CTNNA3: variants seen among roughly 807,000 people sequenced by gnomAD.
The protein encoded by CTNNA3 is catenin alpha-3.
In CTNNA3, 76 loss-of-function variants were observed where a neutral mutation model predicts 95.7. The ratio of observed to expected loss-of-function variants is 0.79; its 90% CI spans 0.66 to 0.96. CTNNA3 has a LOEUF of 0.96. Ranked by LOEUF, CTNNA3 falls within the 40% of genes least tolerant of loss-of-function variation. The pLI is 0.00. For synonymous variants in CTNNA3, 431 were observed against 374.4 expected, an observed-to-expected ratio of 1.15 and a Z score of -1.74; for missense variants, 1,191 against 1,089.8, an observed-to-expected ratio of 1.09 and a Z score of -1.31.
intron 13 of CTNNA3, among the ~76,000 whole-genome samples, chr10:66,112,379 C>A (rs2082153952): frequency 6.6e-6 from 1 of 152,202 alleles, no homozygotes; most frequent in African/African-American, 2.4e-5. Context: ...TTTCTTCTTA[C>A]AATCTTTTAA....
chr10:67,442,188 C>T (rs1368149538), intron 5 of CTNNA3, among the ~76,000 whole-genome samples: 2 of 151,802 alleles, frequency 1.3e-5, no homozygotes, highest in African/African-American at 2.4e-5. Context: ...TATTTGCAAA[C>T]TTCATGGTAA....
chr10:66,463,287 C>A (rs7917556), intron 11 of CTNNA3, among the ~76,000 whole-genome samples: 2 of 151,866 alleles, frequency 1.3e-5, no homozygotes, highest in African/African-American at 4.8e-5. Context: ...CCTTTGAGAA[C>A]GGATTGTTAA....
At position 67,180,352 on chromosome 10, in the gene CTNNA3, C is replaced by G. The variant is rs763229606; in HGVS notation, c.1012G>C (p.Ala338Pro). ...TACTCTGAAAGCAGATCCTGAAGAG[C>G]CTGGCGAATGGCGTTGCATTCTGCG... is the stretch of plus-strand genomic sequence containing the variant. ...IIAECNAIRQ[A>P]LQDLLSEYMN... Residue 338 changes from alanine (A) to proline (P), a missense_variant, in exon 7 of 18, where the codon GCT (alanine) becomes CCT (proline). Coordinates refer to ENST00000433211, the MANE Select transcript of CTNNA3 (RefSeq NM_013266.4). The G allele has an allele frequency of 2.5e-6, 4 of 1,613,584 alleles. No individual in the cohort carries two copies. Among genetic ancestry groups the G allele is most frequent in the Non-Finnish European group, 3.4e-6 (4 of 1,179,870 alleles).
intron 10 of CTNNA3, among the ~76,000 whole-genome samples, chr10:66,531,968 T>C (rs1444121470): frequency 1.3e-5 from 2 of 152,144 alleles, no homozygotes; most frequent in Admixed American, 6.5e-5. Flanking sequence ...CCCAAATCAT[T>C]TCAGTTCAAA....
rs1365769140 is a variant in CTNNA3 at position 65,965,368 on chromosome 10, G to T, written c.2400+1244C>A. ...ATAAAATATAGGCAAGACATAGACA[G>T]TCACTATTTGTTTCCTCCCCTCTAC... is the stretch of plus-strand genomic sequence containing the variant. On this transcript the variant is annotated intron_variant, in intron 17 of 17. Transcript: ENST00000433211. Among the ~76,000 whole-genome samples, 3 of 138,648 alleles carry T rather than the reference G, an allele frequency of 2.2e-5. No homozygotes were observed. The East Asian group carries it at 6.5e-4, about 30-fold the overall frequency. 91.0% of individuals were successfully genotyped at this position (138,648 alleles called of 152,430 possible).
intron 7 of CTNNA3, among the ~76,000 whole-genome samples, chr10:67,128,207 T>C (rs1041500930): frequency 6.6e-6 from 1 of 152,128 alleles, no homozygotes; most frequent in Non-Finnish European, 1.5e-5. Context: ...GGTGTTTCTG[T>C]GAAGACATTT....
intron 3 of CTNNA3, among the ~76,000 whole-genome samples, chr10:67,563,058 T>C (rs1308617232): frequency 1.3e-5 from 2 of 151,814 alleles, no homozygotes; most frequent in East Asian, 1.9e-4. Context: ...AAAATGGCCA[T>C]ACTGCCCAAG....
intron 11 of CTNNA3, among the ~76,000 whole-genome samples, chr10:66,389,114 A>G (rs2092915955): frequency 6.6e-6 from 1 of 152,170 alleles, no homozygotes; most frequent in Non-Finnish European, 1.5e-5. Context: ...AATACCTTGT[A>G]TACAACTTCC....
rs1052315628 is a variant in CTNNA3, at chr10:67,743,756, C to T, written c.-2+19678G>A. ...ATGATTGTATATCTAGAAAACCCCA[C>T]TATCTCAGCCCAAAATCTCCTTAAG... On this transcript the variant is annotated intron_variant, in intron 1 of 17. Coordinates refer to the CTNNA3 transcript ENST00000684154. 2.5e-4 allele frequency among the ~76,000 whole-genome samples: 38 copies of T among 151,016 alleles called. 1 individual carries two copies. The highest frequency in any genetic ancestry group is 7.3e-4 in the African/African-American group (30 of 41,256).
chr10:66,178,257 TC>T (rs1261494617), intron 13 of CTNNA3, among the ~76,000 whole-genome samples: 1 of 150,972 alleles, frequency 6.6e-6, no homozygotes. Flanking sequence ...CTATTTTTTT[TC>T]TTAAGTAAAA....
intron 1 of CTNNA3, among the ~76,000 whole-genome samples, chr10:67,744,568 A>G (rs1378466337): frequency 6.6e-6 from 1 of 151,310 alleles, no homozygotes; most frequent in Non-Finnish European, 1.5e-5. Flanking sequence ...AAACTTAGGC[A>G]ATACCATTCA....
chr10:67,477,822 G>T (rs1239696680), intron 5 of CTNNA3, among the ~76,000 whole-genome samples: 3 of 152,142 alleles, frequency 2.0e-5, no homozygotes. Flanking sequence ...TAGCTCTCCA[G>T]CAATGATACC....
chr10:66,619,633 A>G, intron 10 of CTNNA3, among the ~76,000 whole-genome samples: 1 of 149,290 alleles, frequency 6.7e-6, no homozygotes, highest in Admixed American at 6.8e-5. Flanking sequence ...TAATGGGTGC[A>G]GCACACCAGC....
chr10:67,623,514 G>A (rs190787069), intron 2 of CTNNA3, among the ~76,000 whole-genome samples: 20 of 152,240 alleles, frequency 1.3e-4, no homozygotes, highest in Non-Finnish European at 2.8e-4. Flanking sequence ...GAAAAACATG[G>A]TGCTTGGAAA....
intron 3 of CTNNA3, among the ~76,000 whole-genome samples, chr10:67,560,714 C>T (rs1443021024): frequency 6.6e-6 from 1 of 152,066 alleles, no homozygotes; most frequent in Non-Finnish European, 1.5e-5. Flanking sequence ...AGATTCAAGA[C>T]CCATCAGTGT....
At chr10:67,450,131 A>G (rs1162666804) in intron 5 of CTNNA3, among the ~76,000 whole-genome samples, 1 of 152,222 alleles carries the variant, frequency 6.6e-6, no homozygotes, top group Non-Finnish European at 1.5e-5. Context: ...GTTATTATTT[A>G]AAAGTGAAAA....
intron 7 of CTNNA3, among the ~76,000 whole-genome samples, chr10:66,889,833 A>C (rs1589380974): frequency 1.4e-5 from 2 of 145,122 alleles, no homozygotes; most frequent in African/African-American, 2.6e-5. Flanking sequence ...CTCTGTCCCC[A>C]AGGCTGGAGT....
intron 8 of CTNNA3, among the ~76,000 whole-genome samples, chr10:66,773,488 C>T (rs570560490): frequency 6.6e-6 from 1 of 152,096 alleles, no homozygotes; most frequent in Admixed American, 6.6e-5. Context: ...GGCACCGTAT[C>T]GAGAGAGGGA....
intron 17 of CTNNA3, among the ~76,000 whole-genome samples, chr10:65,924,571 G>T (rs1008147942): frequency 2.4e-4 from 36 of 152,114 alleles, no homozygotes; most frequent in African/African-American, 8.2e-4. Context: ...CTACCATTTT[G>T]ATAATATTTG....
Sources: gnomAD v4.1 joint callset for allele counts (sites outside exome capture counted in the v4.1 genomes callset) on GRCh38, gnomAD v4.1.1 for gene constraint, MANE v1.5 for transcripts, NCBI Gene and HGNC (gene_info 2026-07-23, HGNC 2026-07-21) for gene names.